The following RPS15A variants were observed in gnomAD, a reference collection of about 807,000 sequenced individuals.
The protein encoded by RPS15A is small ribosomal subunit protein uS8.
For synonymous variants in RPS15A, 55 were observed against 58.5 expected (o/e 0.94, Z 0.27); for missense variants, 62 against 163.4 (o/e 0.38, Z 3.38).
intron 1 of RPS15A, 106 bp from the exon 2 acceptor site, chr16:18,789,224 C>T (rs1165162291): frequency 2.6e-6 from 3 of 1,167,086 alleles, no homozygotes; most frequent in East Asian, 2.5e-5. Flanking sequence ...CCCACCTTGG[C>T]GAAGTTTTCT....
intron 3 of RPS15A, among the ~76,000 whole-genome samples, chr16:18,786,958 A>T (rs563121879): frequency 7.9e-5 from 12 of 152,234 alleles, no homozygotes; most frequent in Admixed American, 5.9e-4. Flanking sequence ...TCCGCCTGCC[A>T]GGTTCAAGCA....
At chr16:18,788,225 A>C in intron 2 of RPS15A, 83 bp from the exon 3 acceptor site, 3 of 862,904 alleles carry the variant, frequency 3.5e-6, no homozygotes, top group South Asian at 2.9e-5. Flanking sequence ...TCAATTCTTC[A>C]CTCTCCCATC....
chr16:18,782,805 G>A lies in RPS15A; in HGVS notation c.*204C>T, dbSNP rs189416901. On this transcript the variant is annotated 3_prime_UTR_variant, in exon 5 of 5. Coordinates refer to ENST00000322989, the MANE Select transcript of RPS15A (RefSeq NM_001019.5). ...CCTGGTTTTGGCAGACAGCAGGGGT[G>A]ACTGTTTCTTAGGCATACTGGTTTC... 2.8e-4 allele frequency: 134 copies of A among 482,920 alleles called. 1 individual carries two copies. Among genetic ancestry groups the A allele is most frequent in the African/African-American group, 2.2e-3 (114 of 50,932 alleles). 29.9% of individuals were successfully genotyped at this position (482,920 alleles called of 1,614,324 possible).
chr16:18,790,334 G>T lies in RPS15A; in HGVS notation c.-96C>A. The T allele has an allele frequency of 6.6e-6, 1 of 152,556 alleles. No individual in the cohort carries two copies. Among genetic ancestry groups the T allele is most frequent in the Non-Finnish European group, 1.5e-5 (1 of 68,210 alleles). The allele number at this position is 152,556 out of a possible 1,614,324, so 9.5% of individuals were successfully genotyped here. ...CCGGCGCGGAAAGATGGCGGAAAGA[G>T]GACGGGAGGGGAGAGCGCACGGAGT... On this transcript the variant is annotated 5_prime_UTR_variant, in exon 1 of 5. Coordinates refer to ENST00000322989, the MANE Select transcript of RPS15A (RefSeq NM_001019.5).
intron 3 of RPS15A, chr16:18,786,515 C>T (rs1904053358): frequency 6.5e-6 from 1 of 153,622 alleles, no homozygotes; most frequent in Non-Finnish European, 1.5e-5. Context: ...CAGTGACTCA[C>T]ACCTGTAATC....
chr16:18,783,469 A>G (rs1903996585), intron 4 of RPS15A: 1 of 353,502 alleles, frequency 2.8e-6, no homozygotes, highest in Non-Finnish European at 5.5e-6. Flanking sequence ...TGTTTCTGCC[A>G]TGTACTGTAT....
intron 2 of RPS15A, chr16:18,788,493 C>CT (rs1209438434): frequency 0.03 from 5,403 of 180,684 alleles, 73 homozygotes; most frequent in African/African-American, 0.055. Context: ...TCCTTTCTTT[C>CT]TTTTTTTTTT....
chr16:18,783,240 A>G, intron 4 of RPS15A, 138 bp from the exon 5 acceptor site: 1 of 609,398 alleles, frequency 1.6e-6, no homozygotes, highest in South Asian at 2.0e-5. Context: ...TGCCTACATG[A>G]GCTGGTGCCT....
chr16:18,783,891 C>G, intron 4 of RPS15A: 1 of 351,156 alleles, frequency 2.8e-6, no homozygotes, highest in Non-Finnish European at 5.6e-6. Context: ...CTCAGATAGG[C>G]TTTTAAGGAC....
intron 3 of RPS15A, 138 bp from the exon 4 acceptor site, chr16:18,784,961 C>A (rs151080780): frequency 1.6e-6 from 1 of 630,862 alleles, no homozygotes; most frequent in Admixed American, 3.4e-5. Context: ...TTATTCTGTG[C>A]ACAATGCTTG....
Position 18,782,550 on chromosome 16 carries a change from C to G in RPS15A, c.*459G>C, listed in dbSNP as rs1455940179. ...CCAGCCTGGGCAACATGGCGAAACC[C>G]TGTCTCTACTAAAATATAAAAATTA... is the stretch of plus-strand genomic sequence containing the variant. On this transcript the variant is annotated 3_prime_UTR_variant, in exon 5 of 5. Coordinates refer to ENST00000322989, the MANE Select transcript of RPS15A (RefSeq NM_001019.5). The G allele has an allele frequency of 6.5e-5, 10 of 154,014 alleles. No homozygotes were observed. Among genetic ancestry groups the G allele is most frequent in the Admixed American group, 6.4e-4 (10 of 15,576 alleles). The allele number at this position is 154,014 out of a possible 1,614,324, so 9.5% of individuals were successfully genotyped here. A position where few individuals can be genotyped will look rare whatever the true frequency, so the allele number is the denominator to read the frequency against.
At chr16:18,785,253 A>G (rs1203714431) in intron 3 of RPS15A, 2 of 154,284 alleles carry the variant, frequency 1.3e-5, no homozygotes, top group Admixed American at 6.5e-5. Context: ...TATCTAAGGA[A>G]CACGCTGTCC....
chr16:18,786,677 G>T (rs532274890), intron 3 of RPS15A: 1 of 152,110 alleles, frequency 6.6e-6, no homozygotes, highest in Non-Finnish European at 1.5e-5. Context: ...AGCTACTCAG[G>T]AGGCTGAGGT....
At chr16:18,784,712 T>G (rs1904019429) in intron 4 of RPS15A, 26 bp downstream of exon 4, 3 of 1,551,968 alleles carry the variant, frequency 1.9e-6, no homozygotes, top group African/African-American at 1.4e-5. Context: ...CATTAACTTC[T>G]TTTAATTAAG....
In RPS15A at chr16:18,781,606, G is replaced by A. The variant is rs1373404748; in HGVS notation, c.*1403C>T. On this transcript the variant is annotated 3_prime_UTR_variant, in exon 5 of 5. Coordinates refer to ENST00000322989, the MANE Select transcript of RPS15A (RefSeq NM_001019.5). ...TTCCCATTACAGATACGGATGCTGA[G>A]GTTACTGAGTGGAAGAGGAAACCTG... 6.6e-6 allele frequency: 1 copy of A among 152,052 alleles called. No individual in the cohort carries two copies. Among genetic ancestry groups the A allele is most frequent in the African/African-American group, 2.4e-5 (1 of 41,386 alleles). The allele number at this position is 152,052 out of a possible 1,614,324, so 9.4% of individuals were successfully genotyped here. A position where few individuals can be genotyped will look rare whatever the true frequency, so the allele number is the denominator to read the frequency against.
At chr16:18,788,002 CA>C (rs1567287966) in intron 3 of RPS15A, 60 bp downstream of exon 3, 1 of 1,015,130 alleles carries the variant, frequency 9.9e-7, no homozygotes, top group South Asian at 1.3e-5. Context: ...GCAATTACAA[CA>C]TTTAACGCCA....
chr16:18,784,162 G>C (rs377226015), intron 4 of RPS15A: 2 of 163,976 alleles, frequency 1.2e-5, no homozygotes, highest in Non-Finnish European at 2.7e-5. Context: ...AGGACTGCTC[G>C]AGGCCAAGAA....
intron 4 of RPS15A, chr16:18,784,522 A>T: frequency 2.1e-6 from 1 of 475,394 alleles, no homozygotes; most frequent in South Asian, 2.8e-5. Context: ...CTAGGATCAC[A>T]GGCGTGAGCC....
chr16:18,785,555 C>T (rs762297308), intron 3 of RPS15A: 4 of 152,224 alleles, frequency 2.6e-5, no homozygotes, highest in Non-Finnish European at 5.9e-5. Context: ...AGACCCTCTG[C>T]TCACAAAATC....
Sources: gnomAD v4.1 joint callset for allele counts (sites outside exome capture counted in the v4.1 genomes callset) on GRCh38, gnomAD v4.1.1 for gene constraint, MANE v1.5 for transcripts, NCBI Gene and HGNC (gene_info 2026-07-23, HGNC 2026-07-21) for gene names.